Variants in SMC2 observed in about 807,000 individuals in gnomAD.
The protein encoded by SMC2 is structural maintenance of chromosomes 2, also known as structural maintenance of chromosomes protein 2.
A neutral mutation model predicts 142.6 loss-of-function variants in SMC2; 41 were observed. The ratio of observed to expected loss-of-function variants is 0.29; its 90% CI spans 0.22 to 0.37. The LOEUF (loss-of-function observed/expected upper bound fraction) is 0.37. SMC2 is among the 10% of genes least tolerant of loss of function. SMC2 has a pLI of 1.00. For missense variants in SMC2, 1,265 were observed against 1,373.7 expected (o/e 0.92, Z 1.25); for synonymous variants, 463 against 457.5 (o/e 1.01, Z -0.15).
rs1194128126 is a variant in SMC2, at chr9:104,111,695, C to A, written c.1135C>A (p.His379Asn). 6.2e-7 allele frequency: 1 copy of A among 1,613,930 alleles called. No homozygotes were observed. Among genetic ancestry groups the A allele is most frequent in the South Asian group, 1.1e-5 (1 of 91,082 alleles). The stretch of plus-strand genomic sequence containing the variant: ...TGAAGCTCTGGCAGCTGCACAGCAG[C>A]ACTTCAATGCTGTTTCCGCTGGCCT... ...DAEALAAAQQ[H>N]FNAVSAGLSS... Residue 379 changes from histidine to asparagine, a missense_variant, in exon 10 of 25, where the codon CAC becomes AAC. His to Asn is a moderately conservative substitution (Grantham distance 68). This residue lies in a region of SMC2 where 898 missense variants were observed against 904.2 expected (regional missense o/e 0.99). Transcript: ENST00000374793.
intron 15 of SMC2, 150 bp from the exon 16 acceptor site, chr9:104,119,877 C>A: frequency 2.7e-6 from 2 of 746,252 alleles, no homozygotes; most frequent in South Asian, 1.7e-5. Context: ...TTCTAAGGTT[C>A]AGGTGATGGA....
intron 3 of SMC2, 82 bp downstream of exon 3, chr9:104,096,379 G>A: frequency 7.4e-7 from 1 of 1,360,418 alleles, no homozygotes; most frequent in Non-Finnish European, 1.0e-6. Context: ...TGCAAAACGT[G>A]CTAGAGAAAG....
rs1311025715 is a variant in SMC2, at chr9:104,129,637, G to A, written c.2791-8G>A. The A allele has an allele frequency of 3.1e-6, 5 of 1,609,040 alleles. No homozygotes were observed. Among genetic ancestry groups the A allele is most frequent in the Non-Finnish European group, 4.3e-6 (5 of 1,175,788 alleles). On this transcript the variant is annotated splice_polypyrimidine_tract_variant and splice_region_variant and intron_variant, in intron 20 of 24. Transcript: ENST00000374793. ...ATAGATCTCCCATCTATTTTTATAT[G>A]TGGCTAGGTATCCAAAATGTTGAAA... is the stretch of plus-strand genomic sequence containing the variant.
intron 19 of SMC2, 38 bp downstream of exon 19, chr9:104,126,822 C>A: frequency 6.4e-7 from 1 of 1,559,686 alleles, no homozygotes. Context: ...ATTGAAAATG[C>A]GAATCTTTTT....
chr9:104,107,262 G>A (rs1430926489), intron 9 of SMC2, among the ~76,000 whole-genome samples: 4 of 152,180 alleles, frequency 2.6e-5, no homozygotes, highest in Non-Finnish European at 4.4e-5. Context: ...AAGACACACG[G>A]TCTCTACCAG....
At chr9:104,121,428 C>T (rs567823897) in intron 16 of SMC2, among the ~76,000 whole-genome samples, 217 of 151,994 alleles carry the variant, frequency 1.4e-3, no homozygotes, top group Admixed American at 3.1e-3. Flanking sequence ...CCCTGCAGTT[C>T]GAGGTTGCGG....
intron 5 of SMC2, 31 bp from the exon 6 acceptor site, chr9:104,100,062 A>T: frequency 8.4e-7 from 1 of 1,194,828 alleles, no homozygotes; most frequent in Non-Finnish European, 1.2e-6. Flanking sequence ...ATTGTCTTGG[A>T]TACTAAACAT....
intron 13 of SMC2, 56 bp downstream of exon 13, chr9:104,114,885 T>C: frequency 1.4e-6 from 2 of 1,437,378 alleles, no homozygotes; most frequent in Admixed American, 3.9e-5. Context: ...AAAAGTCATG[T>C]GCTGCTAAAA....
rs896300420 is a variant in SMC2 at position 104,141,223 on chromosome 9, G to A, written c.*1908G>A. 6.6e-6 allele frequency: 1 copy of A among 152,124 alleles called. No individual in the cohort carries two copies. The highest frequency in any genetic ancestry group is 2.4e-5 in the African/African-American group (1 of 41,422). The allele number at this position is 152,124 out of a possible 1,614,324, so 9.4% of individuals were successfully genotyped here. ...AGAGTAACCTAGTGAGGTAAATACT[G>A]TTGTTGTCAGCATGGTGTAATCGAG... is the stretch of plus-strand genomic sequence containing the variant. On this transcript the variant is annotated 3_prime_UTR_variant, in exon 25 of 25. Coordinates refer to ENST00000374793, the MANE Select transcript of SMC2 (RefSeq NM_006444.3).
At chr9:104,130,035 A>G (rs1564113429) in intron 21 of SMC2, among the ~76,000 whole-genome samples, 190 bp downstream of exon 21, 4 of 152,078 alleles carry the variant, frequency 2.6e-5, no homozygotes, top group African/African-American at 7.2e-5. Context: ...TTGTTTTTAC[A>G]TTCTATTACA....
intron 13 of SMC2, 71 bp from the exon 14 acceptor site, chr9:104,116,129 A>G (rs929970006): frequency 2.9e-6 from 4 of 1,368,466 alleles, no homozygotes; most frequent in African/African-American, 3.0e-5. Context: ...ATTATAGACT[A>G]CTAAACTTGC....
chr9:104,118,413 G>A, intron 15 of SMC2, 38 bp downstream of exon 15: 1 of 1,534,008 alleles, frequency 6.5e-7, no homozygotes, highest in South Asian at 1.2e-5. Context: ...AATTCTTTGT[G>A]GTAAATAGGA....
At chr9:104,102,216 C>G in intron 8 of SMC2, 23 bp downstream of exon 8, 2 of 1,338,236 alleles carry the variant, frequency 1.5e-6, no homozygotes, top group Non-Finnish European at 2.1e-6. Flanking sequence ...GTATAAGAAT[C>G]GATAATATAC....
intron 9 of SMC2, among the ~76,000 whole-genome samples, chr9:104,103,099 A>G (rs1324488666): frequency 2.6e-5 from 4 of 152,116 alleles, no homozygotes; most frequent in Non-Finnish European, 4.4e-5. Context: ...ATGAGACTAG[A>G]TAAAATGATC....
In SMC2 at chr9:104,094,411, T is replaced by C. The variant is rs10820600; in HGVS notation, c.-128T>C. 216,555 of 398,380 alleles carry C rather than the reference T, an allele frequency of 0.54. 62,201 individuals carry two copies. The highest frequency in any genetic ancestry group is 0.68 in the African/African-American group (33,218 of 48,566). The allele number at this position is 398,380 out of a possible 1,614,324, so 24.7% of individuals were successfully genotyped here. A position where few individuals can be genotyped will look rare whatever the true frequency, so the allele number is the denominator to read the frequency against. On this transcript the variant is annotated 5_prime_UTR_variant, in exon 1 of 25. Coordinates refer to ENST00000374793, the MANE Select transcript of SMC2 (RefSeq NM_006444.3). Reference sequence around the variant, plus strand: ...GTAGCGGCCCCGGCTAGAGAGTTGTTCTGTTCCCTGCCTTTGTGACCCGGA... The same window carrying C: ...GTAGCGGCCCCGGCTAGAGAGTTGTCCTGTTCCCTGCCTTTGTGACCCGGA...
intron 4 of SMC2, 108 bp from the exon 5 acceptor site, chr9:104,099,536 T>C: frequency 1.4e-6 from 1 of 694,306 alleles, no homozygotes. Flanking sequence ...CCCCCAAAGA[T>C]TGGTATATTG....
intron 24 of SMC2, 101 bp downstream of exon 24, chr9:104,138,266 G>T: frequency 2.2e-6 from 2 of 922,736 alleles, no homozygotes; most frequent in South Asian, 2.6e-5. Context: ...ATTTAGGGTT[G>T]ATAAATACTA....
chr9:104,116,107 A>C, intron 13 of SMC2, 93 bp from the exon 14 acceptor site: 4 of 1,109,648 alleles, frequency 3.6e-6, no homozygotes, highest in Non-Finnish European at 5.1e-6. Flanking sequence ...AAATGGCACT[A>C]AACATTCATT....
Position 104,116,136 on chromosome 9 carries a change from T to C in SMC2, c.1672-64T>C. ...ATTCATTTATTATAGACTACTAAAC[T>C]TGCATTCTCTCAATTTTCTGTCATT... On this transcript the variant is annotated intron_variant, in intron 13 of 24. Transcript: ENST00000374793. 6 of 1,452,672 alleles carry C rather than the reference T, an allele frequency of 4.1e-6. No homozygotes were observed. In the South Asian group the frequency reaches 8.0e-5, roughly 19 times the overall value. The allele number at this position is 1,452,672 out of a possible 1,614,324, so 90.0% of individuals were successfully genotyped here. A position where few individuals can be genotyped will look rare whatever the true frequency, so the allele number is the denominator to read the frequency against.
Sources: allele counts gnomAD v4.1 joint callset (sites outside exome capture counted in the v4.1 genomes callset), GRCh38; gene constraint gnomAD v4.1.1; regional missense constraint gnomAD v4.1.1; transcripts MANE v1.5; gene names NCBI Gene and HGNC (gene_info 2026-07-23, HGNC 2026-07-21).